Variants in DLGAP1 observed in about 807,000 individuals in gnomAD.
DLGAP1 encodes the protein DLG associated protein 1, also known as disks large-associated protein 1.
Under a neutral mutation model 90.8 loss-of-function variants are expected in DLGAP1, and 11 were observed. That is an observed-to-expected ratio of 0.12 (90% CI 0.08 to 0.20). The LOEUF (loss-of-function observed/expected upper bound fraction) is 0.20, where lower values mean the gene tolerates loss of function less well. Ranked by LOEUF, DLGAP1 falls within the 10% of genes least tolerant of loss-of-function variation. The probability of loss-of-function intolerance (pLI) is 1.00; values close to 1 mark genes in which losing one functional copy is unlikely to be tolerated. For missense variants in DLGAP1, 1,050 were observed against 1,333.8 expected (o/e 0.79, Z 3.31); for synonymous variants, 558 against 540.7 (o/e 1.03, Z -0.44).
Position 3,966,312 on chromosome 18 carries a change from T to A in DLGAP1, c.-73+38804A>T, listed in dbSNP as rs184348480. Among the ~76,000 whole-genome samples the A allele has an allele frequency of 4.6e-5, 7 of 152,140 alleles. No homozygotes were observed. The East Asian group carries it at 1.4e-3, about 30-fold the overall frequency. The stretch of plus-strand genomic sequence containing the variant: ...ATGAGGATGGAGAAGTAGTGCTCTA[T>A]TTGCCTTAAGAAGTTTGGATTTGGT... On this transcript the variant is annotated intron_variant, in intron 3 of 12. Transcript: ENST00000315677.
At chr18:3,772,332 TTCTC>T (rs10532577) in intron 5 of DLGAP1, among the ~76,000 whole-genome samples, 3,961 of 93,922 alleles carry the variant, frequency 0.042, 341 homozygotes, top group South Asian at 0.047. Flanking sequence ...CTTTCTCTCC[TTCTC>T]TCTCTCTCTC....
In DLGAP1 at chr18:3,948,364, C is replaced by T. The variant is rs78472133; in HGVS notation, c.-73+56752G>A. On this transcript the variant is annotated intron_variant, in intron 3 of 12. Transcript: ENST00000315677. ...CTCACTAGATGCTGGATCCCCCTTC[C>T]TTTTTCCACTATTGAAAATTCATGC... Among the ~76,000 whole-genome samples, 219 of 152,024 alleles carry T rather than the reference C, an allele frequency of 1.4e-3. 1 individual carries two copies. Among genetic ancestry groups the T allele is most frequent in the African/African-American group, 5.1e-3 (209 of 41,314 alleles).
At chr18:3,576,865 C>CTT (rs76912483) in intron 8 of DLGAP1, among the ~76,000 whole-genome samples, 73 of 131,084 alleles carry the variant, frequency 5.6e-4, no homozygotes, top group African/African-American at 1.8e-3. Flanking sequence ...TACGCCCGGC[C>CTT]TTTTTTTTTT....
chr18:4,351,346 G>C (rs912189409), intron 1 of DLGAP1, among the ~76,000 whole-genome samples: 1 of 152,118 alleles, frequency 6.6e-6, no homozygotes, highest in Non-Finnish European at 1.5e-5. Context: ...ATTTGGAAGA[G>C]GAGTTTTCTG....
chr18:3,891,817 T>G (rs569814442), intron 3 of DLGAP1: 4 of 152,208 alleles, frequency 2.6e-5, no homozygotes, highest in Admixed American at 6.5e-5. Flanking sequence ...ATGCCCAGGA[T>G]TATAGCTCAC....
At chr18:4,099,067 C>T (rs939187637) in intron 2 of DLGAP1, among the ~76,000 whole-genome samples, 3 of 152,138 alleles carry the variant, frequency 2.0e-5, no homozygotes, top group Non-Finnish European at 4.4e-5. Flanking sequence ...CCTTGACCTC[C>T]CAGGCTCAAC....
intron 5 of DLGAP1, among the ~76,000 whole-genome samples, chr18:3,782,786 T>C (rs1412916226): frequency 6.6e-6 from 1 of 152,228 alleles, no homozygotes; most frequent in East Asian, 1.9e-4. Flanking sequence ...ATTATGACTT[T>C]TCTTGTTTTT....
chr18:4,107,904 GTT>G (rs548089104), intron 2 of DLGAP1, among the ~76,000 whole-genome samples: 34 of 152,144 alleles, frequency 2.2e-4, no homozygotes, highest in African/African-American at 7.2e-4. Flanking sequence ...AAAAATCTTG[GTT>G]TTTGTTTATT....
intron 5 of DLGAP1, among the ~76,000 whole-genome samples, chr18:3,791,346 AT>A (rs79851427): frequency 0.065 from 9,945 of 152,210 alleles, 402 homozygotes; most frequent in South Asian, 0.14. Context: ...GAAAACCAGC[AT>A]TTTTTTCTCT....
chr18:3,706,095 C>G (rs1242033063), intron 7 of DLGAP1, among the ~76,000 whole-genome samples: 1 of 150,554 alleles, frequency 6.6e-6, no homozygotes, highest in African/African-American at 2.5e-5. Flanking sequence ...CCTTGGGGTT[C>G]AAGTGATTCT....
At chr18:4,176,571 T>C (rs114995580) in intron 1 of DLGAP1, among the ~76,000 whole-genome samples, 308 of 152,342 alleles carry the variant, frequency 2.0e-3, no homozygotes, top group African/African-American at 7.1e-3. Flanking sequence ...CAGATCTTTC[T>C]TATAATCTCC....
rs73368675 is a variant in DLGAP1, at chr18:3,691,740, C to T, written c.1591+37395G>A. On this transcript the variant is annotated intron_variant, in intron 7 of 12. Coordinates refer to ENST00000315677, the MANE Select transcript of DLGAP1 (RefSeq NM_004746.4). ...CAGCCTGGGCAACATGGTGAAAAAC[C>T]ATCTCTACAGAAAAAGAAAAAAAGA... 7.4e-3 allele frequency among the ~76,000 whole-genome samples: 1,128 copies of T among 152,012 alleles called. 9 individuals are homozygous for T. Among genetic ancestry groups the T allele is most frequent in the African/African-American group, 0.021 (859 of 41,476 alleles).
intron 2 of DLGAP1, among the ~76,000 whole-genome samples, chr18:4,141,339 A>G (rs1034043301): frequency 6.6e-6 from 1 of 152,034 alleles, no homozygotes; most frequent in African/African-American, 2.4e-5. Context: ...AGTTCTGAAA[A>G]TGATCTGAGA....
At position 3,574,055 on chromosome 18, in the gene DLGAP1, G is replaced by A. The variant is rs148499594; in HGVS notation, c.1966-6474C>T. ...GCATCGGTATTAGTAATATACATGA[G>A]TGTACGTATTATTTTGACTTTAAAA... is the stretch of plus-strand genomic sequence containing the variant. On this transcript the variant is annotated intron_variant, in intron 8 of 12. Coordinates refer to ENST00000315677, the MANE Select transcript of DLGAP1 (RefSeq NM_004746.4). Among the ~76,000 whole-genome samples the A allele has an allele frequency of 5.5e-3, 838 of 152,268 alleles. 4 individuals carry two copies. The highest frequency in any genetic ancestry group is 0.018 in the African/African-American group (761 of 41,536).
intron 1 of DLGAP1, among the ~76,000 whole-genome samples, chr18:4,302,435 T>C (rs12955895): frequency 6.6e-6 from 1 of 152,312 alleles, no homozygotes; most frequent in African/African-American, 2.4e-5. Flanking sequence ...GGCACCTTTG[T>C]TGAAAATCAA....
At chr18:4,430,542 C>A in intron 1 of DLGAP1, 1 of 59,590 alleles carries the variant, frequency 1.7e-5, no homozygotes, top group East Asian at 5.2e-4. Flanking sequence ...GTGTGTGTGT[C>A]TGTGATTCAA....
intron 7 of DLGAP1, chr18:3,598,294 T>G (rs2056701804): frequency 6.6e-6 from 1 of 151,858 alleles, no homozygotes; most frequent in African/African-American, 2.4e-5. Flanking sequence ...GAGGTTGCAG[T>G]GAGCTGAGAT....
intron 1 of DLGAP1, among the ~76,000 whole-genome samples, chr18:4,354,058 GTC>G (rs1349565011): frequency 6.6e-6 from 1 of 152,154 alleles, no homozygotes; most frequent in African/African-American, 2.4e-5. Context: ...CAGGTAAGGA[GTC>G]TCTGTGACTC....
intron 2 of DLGAP1, among the ~76,000 whole-genome samples, chr18:4,142,284 G>A (rs897501026): frequency 6.6e-6 from 1 of 152,164 alleles, no homozygotes; most frequent in Non-Finnish European, 1.5e-5. Flanking sequence ...TCAGAGAGTA[G>A]TTAAAATGTT....
Sources: allele counts gnomAD v4.1 joint callset (sites outside exome capture counted in the v4.1 genomes callset), GRCh38; gene constraint gnomAD v4.1.1; transcripts MANE v1.5; gene names NCBI Gene and HGNC (gene_info 2026-07-23, HGNC 2026-07-21).